Variants in VTI1A observed in about 807,000 individuals in gnomAD.
VTI1A encodes the protein vesicle transport through interaction with t-SNAREs 1A.
A neutral mutation model predicts 34.9 loss-of-function variants in VTI1A; 22 were observed. That is an observed-to-expected ratio of 0.63 (90% CI 0.45 to 0.90). VTI1A has a LOEUF of 0.90. Among genes scored for constraint, VTI1A ranks in the 40% least tolerant of loss-of-function variants. The pLI is 0.00. For missense variants in VTI1A, 268 were observed against 275.6 expected (o/e 0.97, Z 0.20); for synonymous variants, 87 against 97.3 (o/e 0.89, Z 0.62).
chr10:112,810,865 C>A (rs184754945), intron 7 of VTI1A, among the ~76,000 whole-genome samples: 88 of 152,262 alleles, frequency 5.8e-4, no homozygotes, highest in Admixed American at 5.2e-3. Context: ...GGAAGAAGCT[C>A]CTGATTCTTC....
At chr10:112,622,626 A>G (rs1200188675) in intron 5 of VTI1A, among the ~76,000 whole-genome samples, 1 of 152,216 alleles carries the variant, frequency 6.6e-6, no homozygotes, top group Non-Finnish European at 1.5e-5. Context: ...ATCAATTCCT[A>G]TAATTTAGAT....
At chr10:112,719,780 A>G (rs1472887503) in intron 7 of VTI1A, among the ~76,000 whole-genome samples, 1 of 152,158 alleles carries the variant, frequency 6.6e-6, no homozygotes, top group Non-Finnish European at 1.5e-5. Flanking sequence ...TCCCAACCTC[A>G]GGTGATCTGC....
At chr10:112,545,676 G>T (rs1305450160) in intron 5 of VTI1A, among the ~76,000 whole-genome samples, 1 of 152,160 alleles carries the variant, frequency 6.6e-6, no homozygotes, top group Non-Finnish European at 1.5e-5. Flanking sequence ...TCCCATGTCG[G>T]ATCTACTGGA....
chr10:112,504,931 G>GT (rs1294404474), intron 3 of VTI1A, among the ~76,000 whole-genome samples: 1 of 150,818 alleles, frequency 6.6e-6, no homozygotes, highest in Admixed American at 6.6e-5. Flanking sequence ...TGCTTTGCTA[G>GT]TTTTTTTGGT....
At chr10:112,525,049 G>A (rs951497437) in intron 3 of VTI1A, among the ~76,000 whole-genome samples, 7 of 152,254 alleles carry the variant, frequency 4.6e-5, no homozygotes, top group African/African-American at 1.7e-4. Context: ...AATAGAAATA[G>A]CTAATTAATA....
At chr10:112,820,624 A>C (rs1020115263), downstream of VTI1A, among the ~76,000 whole-genome samples, 3 of 152,242 alleles carry the variant, frequency 2.0e-5, no homozygotes, top group African/African-American at 7.2e-5. Context: ...GGATGAGAGC[A>C]GCCAGGCCCA....
intron 7 of VTI1A, among the ~76,000 whole-genome samples, chr10:112,757,691 C>G (rs945164001): frequency 6.6e-6 from 1 of 151,986 alleles, no homozygotes; most frequent in Non-Finnish European, 1.5e-5. Flanking sequence ...TGACCTGTTG[C>G]TTTGATTTTT....
chr10:112,541,829 A>T lies in VTI1A; in HGVS notation c.427+3499A>T, dbSNP rs140609045. Among the ~76,000 whole-genome samples, 722 of 152,334 alleles carry T rather than the reference A, an allele frequency of 4.7e-3. 4 individuals are homozygous for T. Among genetic ancestry groups the T allele is most frequent in the Non-Finnish European group, 8.1e-3 (550 of 68,030 alleles). On this transcript the variant is annotated intron_variant, in intron 5 of 7. Coordinates refer to ENST00000393077, the MANE Select transcript of VTI1A (RefSeq NM_145206.4). ...CACACCCTGATATGCACGGAGTTTA[A>T]TACCAGTCAGGTTTCTTTGATGGAT...
At chr10:112,812,739 C>T (rs1170172924) in intron 7 of VTI1A, among the ~76,000 whole-genome samples, 1 of 152,192 alleles carries the variant, frequency 6.6e-6, no homozygotes, top group African/African-American at 2.4e-5. Flanking sequence ...TGTCTGCCAG[C>T]ATTTGGTTTG....
intron 7 of VTI1A, among the ~76,000 whole-genome samples, chr10:112,728,496 G>A (rs192153495): frequency 1.9e-4 from 29 of 152,328 alleles, no homozygotes; most frequent in Non-Finnish European, 4.0e-4. Flanking sequence ...TCCACAGTAT[G>A]TGGGCCCAGA....
chr10:112,669,841 T>C (rs1847785996), intron 7 of VTI1A, among the ~76,000 whole-genome samples: 2 of 152,184 alleles, frequency 1.3e-5, no homozygotes, highest in South Asian at 2.1e-4. Context: ...CCATATACAA[T>C]AGTTTGCTAA....
chr10:112,746,291 A>G (rs915637210), intron 7 of VTI1A, among the ~76,000 whole-genome samples: 15 of 152,206 alleles, frequency 9.9e-5, no homozygotes, highest in African/African-American at 3.6e-4. Context: ...CCAAGGACTG[A>G]TAAATATAGT....
intron 5 of VTI1A, among the ~76,000 whole-genome samples, chr10:112,649,322 T>G (rs1846921467): frequency 6.6e-6 from 1 of 152,206 alleles, no homozygotes; most frequent in Non-Finnish European, 1.5e-5. Flanking sequence ...AAAGAAGTTT[T>G]TATTTTGTTT....
intron 5 of VTI1A, among the ~76,000 whole-genome samples, chr10:112,614,422 T>C (rs1256443241): frequency 6.6e-6 from 1 of 152,174 alleles, no homozygotes; most frequent in Non-Finnish European, 1.5e-5. Context: ...GTTCACTCTT[T>C]TGTGGCTTAC....
the VTI1A span, among the ~76,000 whole-genome samples, chr10:112,849,510 G>A: frequency 1.3e-5 from 2 of 152,192 alleles, no homozygotes; most frequent in African/African-American, 4.8e-5. Flanking sequence ...GTGACTCCTG[G>A]TCTAGGGCTG....
intron 3 of VTI1A, among the ~76,000 whole-genome samples, chr10:112,511,577 G>C (rs988712255): frequency 6.6e-6 from 1 of 152,062 alleles, no homozygotes; most frequent in Admixed American, 6.6e-5. Context: ...ATAATGCATA[G>C]TGTTCAATTC....
intron 3 of VTI1A, among the ~76,000 whole-genome samples, chr10:112,471,176 C>T (rs1305176665): frequency 1.3e-5 from 2 of 151,972 alleles, no homozygotes; most frequent in African/African-American, 4.8e-5. Flanking sequence ...ATTACGGTGG[C>T]TTATCATAGA....
intron 5 of VTI1A, among the ~76,000 whole-genome samples, chr10:112,587,497 C>T (rs1589940278): frequency 6.6e-6 from 1 of 151,946 alleles, no homozygotes; most frequent in South Asian, 2.1e-4. Flanking sequence ...ATTAATGAAG[C>T]AAAAAGGAGA....
intron 5 of VTI1A, among the ~76,000 whole-genome samples, chr10:112,582,216 ACT>A (rs764513891): frequency 2.0e-5 from 3 of 151,632 alleles, no homozygotes; most frequent in Non-Finnish European, 4.4e-5. Context: ...AGAGAAGGAC[ACT>A]CTCTCCTGTC....
Sources: allele counts gnomAD v4.1 joint callset (sites outside exome capture counted in the v4.1 genomes callset), GRCh38; gene constraint gnomAD v4.1.1; transcripts MANE v1.5; gene names NCBI Gene and HGNC (gene_info 2026-07-23, HGNC 2026-07-21).